HPSE2: variants seen among roughly 807,000 people sequenced by gnomAD.
HPSE2 encodes the protein heparanase 2 (inactive), also known as inactive heparanase-2.
Under a neutral mutation model 60.5 loss-of-function variants are expected in HPSE2, and 38 were observed. That is an observed-to-expected ratio of 0.63 (90% CI 0.48 to 0.82). HPSE2 has a LOEUF of 0.82. HPSE2 is among the 40% of genes least tolerant of loss of function. The probability of loss-of-function intolerance (pLI) is 0.00; values close to 1 mark genes in which losing one functional copy is unlikely to be tolerated. For missense variants in HPSE2, 713 were observed against 740.4 expected (o/e 0.96, Z 0.43); for synonymous variants, 295 against 293.2 (o/e 1.01, Z -0.06).
chr10:99,206,779 C>T (rs1315793342), intron 2 of HPSE2, among the ~76,000 whole-genome samples: 1 of 151,094 alleles, frequency 6.6e-6, no homozygotes, highest in East Asian at 2.0e-4. Context: ...CTGAAAAATG[C>T]AATAGAGAGC....
rs1944320823 is a variant in HPSE2, at chr10:98,565,644, C to CATG, written c.1320+49257_1320+49259dup. 2.0e-5 allele frequency among the ~76,000 whole-genome samples: 3 copies of CATG among 152,218 alleles called. No individual in the cohort carries two copies. In the South Asian group the frequency reaches 6.2e-4, roughly 32 times the overall value. ...TAACGCTGCAGTAAACATATGTGTGCATGCGTCTTTATAGTAGAATGATTT... is the reference window on the plus strand; with the variant it reads ...TAACGCTGCAGTAAACATATGTGTGCATGATGCGTCTTTATAGTAGAATGATTT... On this transcript the variant is annotated intron_variant, in intron 9 of 11. Coordinates refer to ENST00000370552, the MANE Select transcript of HPSE2 (RefSeq NM_021828.5).
intron 2 of HPSE2, among the ~76,000 whole-genome samples, chr10:99,166,335 A>G (rs1354516367): frequency 6.6e-6 from 1 of 152,246 alleles, no homozygotes; most frequent in Admixed American, 6.5e-5. Context: ...AAGCAAAACT[A>G]CAGGGTCATA....
chr10:99,174,964 C>T (rs906733944), intron 2 of HPSE2, among the ~76,000 whole-genome samples: 35 of 152,110 alleles, frequency 2.3e-4, no homozygotes, highest in Admixed American at 8.5e-4. Context: ...CCATGGAAGG[C>T]GAGCAGAAGC....
chr10:99,198,669 G>C (rs1390764631), intron 2 of HPSE2, among the ~76,000 whole-genome samples: 2 of 152,044 alleles, frequency 1.3e-5, no homozygotes, highest in African/African-American at 4.8e-5. Flanking sequence ...TAATATGAAG[G>C]CTATGATGGA....
At chr10:99,190,559 G>A (rs1390640435) in intron 2 of HPSE2, among the ~76,000 whole-genome samples, 1 of 152,100 alleles carries the variant, frequency 6.6e-6, no homozygotes, top group Non-Finnish European at 1.5e-5. Flanking sequence ...ATCCTTAACT[G>A]CTATACCACT....
At chr10:99,147,386 T>C (rs1846094825) in intron 2 of HPSE2, among the ~76,000 whole-genome samples, 1 of 152,220 alleles carries the variant, frequency 6.6e-6, no homozygotes, top group African/African-American at 2.4e-5. Context: ...AAAACTTGTA[T>C]CAAAACATAC....
intron 3 of HPSE2, among the ~76,000 whole-genome samples, chr10:98,973,987 T>C (rs1343724865): frequency 2.6e-5 from 4 of 152,002 alleles, no homozygotes; most frequent in Non-Finnish European, 5.9e-5. Context: ...GAAGAGTAAA[T>C]GATCAAATAG....
chr10:99,279,074 G>A, the HPSE2 span, among the ~76,000 whole-genome samples: 1 of 148,332 alleles, frequency 6.7e-6, no homozygotes, highest in African/African-American at 2.5e-5. Context: ...GAGCTCATAT[G>A]GATTCCCTGG....
intron 2 of HPSE2, 109 bp downstream of exon 2, chr10:99,232,239 A>ACACACT: frequency 7.6e-7 from 1 of 1,309,888 alleles, no homozygotes; most frequent in Non-Finnish European, 1.1e-6. Context: ...ACACACACAC[A>ACACACT]CACACACACA....
chr10:99,051,925 A>G (rs1478735056), intron 3 of HPSE2, among the ~76,000 whole-genome samples: 3 of 151,904 alleles, frequency 2.0e-5, no homozygotes, highest in Admixed American at 1.3e-4. Context: ...TGATCAGCCA[A>G]TAACTATGCT....
intron 3 of HPSE2, among the ~76,000 whole-genome samples, chr10:99,036,394 A>G (rs1429497252): frequency 2.0e-5 from 3 of 152,146 alleles, no homozygotes; most frequent in Non-Finnish European, 4.4e-5. Context: ...AGAATGAGAC[A>G]TATCTAAAAA....
chr10:98,598,059 T>C (rs1396934162), intron 9 of HPSE2, among the ~76,000 whole-genome samples: 1 of 152,104 alleles, frequency 6.6e-6, no homozygotes, highest in Non-Finnish European at 1.5e-5. Flanking sequence ...TTCATTCTTT[T>C]TTTTTTCTTT....
At chr10:98,791,822 A>G (rs968664139) in intron 3 of HPSE2, among the ~76,000 whole-genome samples, 1 of 152,210 alleles carries the variant, frequency 6.6e-6, no homozygotes, top group African/African-American at 2.4e-5. Context: ...CCATGAGTCA[A>G]AGTTTTCTGA....
At chr10:99,119,409 A>C (rs1844858255) in intron 3 of HPSE2, among the ~76,000 whole-genome samples, 2 of 152,232 alleles carry the variant, frequency 1.3e-5, no homozygotes, top group African/African-American at 4.8e-5. Flanking sequence ...CTCTATAAGC[A>C]AAACTACAAA....
intron 9 of HPSE2, among the ~76,000 whole-genome samples, chr10:98,559,297 G>C (rs761910656): frequency 2.0e-5 from 3 of 152,108 alleles, no homozygotes; most frequent in Non-Finnish European, 4.4e-5. Flanking sequence ...CAAAGTGCTG[G>C]GATTACAAGC....
chr10:99,060,922 G>C (rs1182467544), intron 3 of HPSE2, among the ~76,000 whole-genome samples: 5 of 152,002 alleles, frequency 3.3e-5, no homozygotes, highest in African/African-American at 1.2e-4. Flanking sequence ...ATAGAGAGTA[G>C]AATGATGGTT....
At chr10:99,065,385 T>G (rs1334003748) in intron 3 of HPSE2, among the ~76,000 whole-genome samples, 1 of 152,104 alleles carries the variant, frequency 6.6e-6, no homozygotes, top group Non-Finnish European at 1.5e-5. Context: ...CAAAGCCTAC[T>G]TTCTGGAAAG....
In HPSE2 at chr10:98,730,945, C is replaced by T. The variant is rs563067934; in HGVS notation, c.785-9117G>A. 3.9e-5 allele frequency among the ~76,000 whole-genome samples: 6 copies of T among 152,260 alleles called. No individual in the cohort carries two copies. The East Asian group carries it at 1.2e-3, about 29-fold the overall frequency. On this transcript the variant is annotated intron_variant, in intron 4 of 11. Coordinates refer to ENST00000370552, the MANE Select transcript of HPSE2 (RefSeq NM_021828.5). ...TGGAGGAAGAGGGAACACTTTTCAACTTATGTTATGAGGCCAATATTGCCC... is the reference window on the plus strand; with the variant it reads ...TGGAGGAAGAGGGAACACTTTTCAATTTATGTTATGAGGCCAATATTGCCC...
At chr10:99,122,438 C>T (rs990708939) in intron 3 of HPSE2, among the ~76,000 whole-genome samples, 1 of 151,586 alleles carries the variant, frequency 6.6e-6, no homozygotes, top group Non-Finnish European at 1.5e-5. Flanking sequence ...CTATGAAACA[C>T]AAAACACTCT....
Sources: allele counts gnomAD v4.1 joint callset (sites outside exome capture counted in the v4.1 genomes callset), GRCh38; gene constraint gnomAD v4.1.1; transcripts MANE v1.5; gene names NCBI Gene and HGNC (gene_info 2026-07-23, HGNC 2026-07-21).